HPS3: variants seen among roughly 807,000 people sequenced by gnomAD.
HPS3 encodes HPS3 biogenesis of lysosomal organelles complex 2 subunit 1.
A neutral mutation model predicts 110.9 loss-of-function variants in HPS3; 79 were observed. The observed-to-expected ratio is 0.71, with a 90% CI of 0.59 to 0.86. The LOEUF (loss-of-function observed/expected upper bound fraction) is 0.86, where lower values mean the gene tolerates loss of function less well. Among genes scored for constraint, HPS3 ranks in the 40% least tolerant of loss-of-function variants. The pLI is 0.00. For missense variants in HPS3, 1,197 were observed against 1,206.2 expected (o/e 0.99, Z 0.11); for synonymous variants, 428 against 451.0 (o/e 0.95, Z 0.65).
chr3:149,151,598 AAAAAAAAAAAAAAAAAAAG>A (rs1723120375), intron 6 of HPS3, among the ~76,000 whole-genome samples: 2 of 142,760 alleles, frequency 1.4e-5, no homozygotes, highest in South Asian at 2.2e-4. Flanking sequence ...AAAAAAAAAA[AAAAAAAAAAAAAAAAAAAG>A]CCTCTTGACC....
rs367699256 is a variant in HPS3 at position 149,172,190 on chromosome 3, C to T, written c.2983C>T (p.Leu995Phe). 1 of 1,613,562 alleles carries T rather than the reference C, an allele frequency of 6.2e-7. No individual in the cohort carries two copies. The highest frequency in any genetic ancestry group is 1.7e-5 in the Admixed American group (1 of 60,010). Residue 995 changes from leucine (L) to phenylalanine (F), a missense_variant, in exon 17 of 17, where the codon CTC (leucine) becomes TTC (phenylalanine). By Grantham distance (22) the Leu-to-Phe change is conservative (BLOSUM62 0). Transcript: ENST00000296051. ...GTATFFLPYL[L>F]YCSRKKPLT Reference sequence around the variant, plus strand: ...TGCAACATTTTTCTTGCCATATCTTCTCTATTGCAGTCGAAAGAAACCATT... The same window carrying T: ...TGCAACATTTTTCTTGCCATATCTTTTCTATTGCAGTCGAAAGAAACCATT...
At chr3:149,147,850 G>A (rs1053979299) in intron 5 of HPS3, among the ~76,000 whole-genome samples, 5 of 152,140 alleles carry the variant, frequency 3.3e-5, no homozygotes, top group African/African-American at 1.2e-4. Context: ...TGTAAATTCA[G>A]ATTCTTAATA....
At chr3:149,136,918 A>G (rs1376332746) in intron 1 of HPS3, among the ~76,000 whole-genome samples, 1 of 152,190 alleles carries the variant, frequency 6.6e-6, no homozygotes, top group Non-Finnish European at 1.5e-5. Flanking sequence ...TTTAAAATTT[A>G]TTTACTAAAT....
Position 149,162,676 on chromosome 3 carries a change from T to C in HPS3, c.2293-14T>C, listed in dbSNP as rs1458732577. The C allele has an allele frequency of 6.2e-7, 1 of 1,613,634 alleles. No homozygotes were observed. The highest frequency in any genetic ancestry group is 1.3e-5 in the African/African-American group (1 of 74,906). On this transcript the variant is annotated splice_polypyrimidine_tract_variant and intron_variant, in intron 12 of 16. Transcript: ENST00000296051. ...TTTATCTGGAATATAGAGGCTCCTT[T>C]TACTGTTTTTAAGGTGCTTTGTGCT... is the stretch of plus-strand genomic sequence containing the variant.
In HPS3 at chr3:149,157,482, T is replaced by C; in HGVS notation, c.1642T>C (p.Leu548=). The C allele has an allele frequency of 6.2e-7, 1 of 1,613,870 alleles. No individual in the cohort carries two copies. Among genetic ancestry groups the C allele is most frequent in the Non-Finnish European group, 8.5e-7 (1 of 1,179,848 alleles). Reference sequence around the variant, plus strand: ...GGAACCTGGAGAGAAGGCAGAGCTTTTGGAAGCATTTAAGGAAAGCTGTGG... The same window carrying C: ...GGAACCTGGAGAGAAGGCAGAGCTTCTGGAAGCATTTAAGGAAAGCTGTGG... The part of the protein sequence containing the change: ...QLEPGEKAEL[L]EAFKESCGHL... Residue 548 remains leucine, a synonymous_variant, in exon 9 of 17, where the codon TTG becomes CTG. Transcript: ENST00000296051.
In HPS3 at chr3:149,129,771, G is replaced by T. The variant is rs977721886; in HGVS notation, c.48G>T (p.Val16=). The change falls in exon 1 of 17, where the codon GTG becomes GTT. Residue 16 remains valine (V), a synonymous_variant. Coordinates refer to ENST00000296051, the MANE Select transcript of HPS3 (RefSeq NM_032383.5). The part of the protein sequence containing the change: ...NLHPFGSQQV[V]PCKLEPDRFC... ...ACCCGTTCGGGTCGCAGCAGGTGGT[G>T]CCCTGCAAGCTGGAGCCGGACCGGT... The T allele has an allele frequency of 1.2e-6, 2 of 1,608,048 alleles. No individual in the cohort carries two copies.
intron 16 of HPS3, among the ~76,000 whole-genome samples, chr3:149,171,276 C>CA (rs547538833): frequency 0.16 from 21,994 of 140,762 alleles, 2,079 homozygotes; most frequent in East Asian, 0.27. Flanking sequence ...GACTCCGTCT[C>CA]AAAAAAAAAA....
At chr3:149,162,947 T>A (rs1172561436) in intron 13 of HPS3, 69 bp downstream of exon 13, 1 of 1,253,760 alleles carries the variant, frequency 8.0e-7, no homozygotes, top group Non-Finnish European at 1.2e-6. Context: ...ACCTTATTTT[T>A]AATAACTTAT....
At chr3:149,167,834 T>C in intron 15 of HPS3, 59 bp from the exon 16 acceptor site, 1 of 1,004,860 alleles carries the variant, frequency 1.0e-6, no homozygotes, top group East Asian at 2.4e-5. Flanking sequence ...CTTATTCTCC[T>C]TTGAAATCTG....
chr3:149,162,413 G>T, intron 12 of HPS3, 80 bp downstream of exon 12: 1 of 1,320,016 alleles, frequency 7.6e-7, no homozygotes, highest in Non-Finnish European at 1.1e-6. Context: ...AGAGAAGTGA[G>T]TTTTTCATTT....
In HPS3 at chr3:149,161,148, G is replaced by A. The variant is rs897806440; in HGVS notation, c.2106+869G>A. Among the ~76,000 whole-genome samples the A allele has an allele frequency of 3.9e-5, 6 of 152,208 alleles. No individual in the cohort carries two copies. In the South Asian group the frequency reaches 8.3e-4, roughly 21 times the overall value. ...GACATGCTTTGTTATGATGAGGAGA[G>A]CAAGTCAACATCGGAATGTCTTCTG... On this transcript the variant is annotated intron_variant, in intron 11 of 16. Coordinates refer to ENST00000296051, the MANE Select transcript of HPS3 (RefSeq NM_032383.5).
At chr3:149,169,785 G>A (rs1240535322) in intron 16 of HPS3, among the ~76,000 whole-genome samples, 1 of 151,996 alleles carries the variant, frequency 6.6e-6, no homozygotes, top group Non-Finnish European at 1.5e-5. Flanking sequence ...TAATGAACCA[G>A]GCTTATTTTT....
intron 4 of HPS3, among the ~76,000 whole-genome samples, chr3:149,144,957 G>A (rs1216682875): frequency 6.6e-6 from 1 of 152,102 alleles, no homozygotes; most frequent in Non-Finnish European, 1.5e-5. Flanking sequence ...TTAAAAATGT[G>A]ATTACTAGAA....
intron 10 of HPS3, among the ~76,000 whole-genome samples, chr3:149,159,841 T>G (rs551996016): frequency 6.6e-6 from 1 of 152,334 alleles, no homozygotes; most frequent in African/African-American, 2.4e-5. Context: ...TTCCTTATAA[T>G]CAGCAAAGAT....
At chr3:149,156,220 T>G (rs1337821361) in intron 8 of HPS3, among the ~76,000 whole-genome samples, 1 of 152,204 alleles carries the variant, frequency 6.6e-6, no homozygotes, top group African/African-American at 2.4e-5. Flanking sequence ...CATACATCAG[T>G]CTTTTGCCCC....
intron 11 of HPS3, 78 bp downstream of exon 11, chr3:149,160,357 T>A: frequency 1.1e-6 from 1 of 927,330 alleles, no homozygotes; most frequent in Non-Finnish European, 1.7e-6. Context: ...GTCTTCTGGC[T>A]TCTTTCTAGC....
chr3:149,142,752 C>T (rs751666046), intron 4 of HPS3, among the ~76,000 whole-genome samples: 6 of 152,058 alleles, frequency 3.9e-5, no homozygotes, highest in African/African-American at 7.2e-5. Context: ...CTTGCTCTTA[C>T]GGAGCTAATT....
At chr3:149,144,195 C>A (rs373630768) in intron 4 of HPS3, among the ~76,000 whole-genome samples, 1 of 143,570 alleles carries the variant, frequency 7.0e-6, no homozygotes, top group African/African-American at 2.6e-5. Context: ...GCCAATATGG[C>A]GAAACCCCGT....
chr3:149,173,144 T>C lies in HPS3; in HGVS notation c.*922T>C, dbSNP rs1306259999. 1 of 152,272 alleles carries C rather than the reference T, an allele frequency of 6.6e-6. No individual in the cohort carries two copies. Among genetic ancestry groups the C allele is most frequent in the African/African-American group, 2.4e-5 (1 of 41,470 alleles). 9.4% of individuals were successfully genotyped at this position (152,272 alleles called of 1,614,324 possible). A position where few individuals can be genotyped will look rare whatever the true frequency, so the allele number is the denominator to read the frequency against. The stretch of plus-strand genomic sequence containing the variant: ...TTTGTCCTTACCAGGATTTAATCTA[T>C]AGAATTGTCTCTCAACTCTGCTTTT... On this transcript the variant is annotated 3_prime_UTR_variant, in exon 17 of 17. Coordinates refer to ENST00000296051, the MANE Select transcript of HPS3 (RefSeq NM_032383.5).
Sources: gnomAD v4.1 joint callset for allele counts (sites outside exome capture counted in the v4.1 genomes callset) on GRCh38, gnomAD v4.1.1 for gene constraint, MANE v1.5 for transcripts, NCBI Gene and HGNC (gene_info 2026-07-23, HGNC 2026-07-21) for gene names.